The following SMC1B variants were observed in gnomAD, a reference collection of about 807,000 sequenced individuals.
SMC1B encodes the protein structural maintenance of chromosomes protein 1B.
SMC1B carries 60 observed loss-of-function variants against 157.9 expected under a neutral mutation model. The observed-to-expected ratio is 0.38, with a 90% CI of 0.31 to 0.47. The LOEUF (loss-of-function observed/expected upper bound fraction) is 0.47. Among genes scored for constraint, SMC1B ranks in the 20% least tolerant of loss-of-function variants. The pLI, the probability that SMC1B is intolerant of heterozygous loss-of-function variation, is 0.99. For missense variants in SMC1B, 1,165 were observed against 1,426.2 expected (o/e 0.82, Z 2.95); for synonymous variants, 445 against 483.0 (o/e 0.92, Z 1.03).
intron 19 of SMC1B, 106 bp from the exon 20 acceptor site, chr22:45,355,221 C>T (rs2086658234): frequency 2.8e-6 from 3 of 1,067,504 alleles, no homozygotes; most frequent in Non-Finnish European, 4.2e-6. Context: ...CCTGTGCATC[C>T]ACTCCTTCTC....
chr22:45,369,158 A>G lies in SMC1B; in HGVS notation c.2420+796T>C, dbSNP rs112429081. ...TGTCGCCCAGGCTAAGTGCAGTGGC[A>G]CGATCTCGGCTCACTGCAAGCTCCA... On this transcript the variant is annotated intron_variant, in intron 15 of 24. Transcript: ENST00000357450. 3.0e-4 allele frequency among the ~76,000 whole-genome samples: 46 copies of G among 151,832 alleles called. 1 individual carries two copies. Among genetic ancestry groups the G allele is most frequent in the African/African-American group, 1.1e-3 (44 of 41,388 alleles).
chr22:45,348,718 G>GTTTTTTTTTTTTTTTTTTT (rs59086824), intron 23 of SMC1B, among the ~76,000 whole-genome samples: 1 of 148,128 alleles, frequency 6.8e-6, no homozygotes, highest in Admixed American at 6.7e-5. Context: ...CAAAAGGACT[G>GTTTTTTTTTTTTTTTTTTT]TTTTTTTTGT....
rs766176014 is a variant in SMC1B, at chr22:45,362,974, G to A, written c.2473C>T (p.Arg825Cys). 10 of 1,597,996 alleles carry A rather than the reference G, an allele frequency of 6.3e-6. No homozygotes were observed. The highest frequency in any genetic ancestry group is 1.8e-5 in the Admixed American group (1 of 56,688). The change falls in exon 16 of 25, where the codon CGC becomes TGC. Residue 825 changes from arginine to cysteine, a missense_variant. Arg to Cys is a radical substitution (Grantham distance 180, BLOSUM62 -3). Transcript: ENST00000357450. ...TRLNVQLEYS[R>C]SHLKKKLNKI... is the part of the protein sequence containing the mutation. ...TTCAGTTTCTTCTTAAGGTGACTGC[G>A]ACTATACTCAAGTTGAACATTAAGC... is the stretch of plus-strand genomic sequence containing the variant.
chr22:45,364,761 C>G (rs1438879636), intron 15 of SMC1B, among the ~76,000 whole-genome samples: 2 of 151,690 alleles, frequency 1.3e-5, no homozygotes, highest in African/African-American at 4.9e-5. Context: ...CCCCAACTAG[C>G]TGCTCTTTTA....
chr22:45,396,542 T>A, intron 6 of SMC1B, 56 bp from the exon 7 acceptor site: 1 of 1,496,284 alleles, frequency 6.7e-7, no homozygotes, highest in Admixed American at 2.0e-5. Flanking sequence ...TGAGAGCAAA[T>A]TTCTTTGTAT....
chr22:45,366,713 C>T (rs936430471), intron 15 of SMC1B, among the ~76,000 whole-genome samples: 14 of 152,170 alleles, frequency 9.2e-5, no homozygotes, highest in African/African-American at 2.7e-4. Flanking sequence ...GCCTGGCCAA[C>T]GTGGCAAAAC....
At chr22:45,350,772 C>T (rs2146757872) in intron 22 of SMC1B, among the ~76,000 whole-genome samples, 1 of 152,280 alleles carries the variant, frequency 6.6e-6, no homozygotes, top group East Asian at 1.9e-4. Context: ...CCCACAGAGC[C>T]ATCCCCTTCA....
intron 12 of SMC1B, among the ~76,000 whole-genome samples, chr22:45,373,359 T>C (rs148970261): frequency 6.6e-6 from 1 of 152,354 alleles, no homozygotes; most frequent in East Asian, 1.9e-4. Flanking sequence ...TTTCTCCAGA[T>C]GTGCCAATAC....
At chr22:45,372,368 A>G (rs1377451598) in intron 12 of SMC1B, 76 bp from the exon 13 acceptor site, 2 of 1,288,040 alleles carry the variant, frequency 1.6e-6, no homozygotes, top group Admixed American at 5.2e-5. Context: ...TTCATATGTA[A>G]TAATTCACTG....
intron 19 of SMC1B, among the ~76,000 whole-genome samples, chr22:45,356,023 T>C (rs2146768061): frequency 6.6e-6 from 1 of 152,260 alleles, no homozygotes; most frequent in Middle Eastern, 3.4e-3. Flanking sequence ...TGAGCCGAGA[T>C]TGCACCACTG....
chr22:45,344,540 T>A lies in SMC1B; in HGVS notation c.*16A>T. On this transcript the variant is annotated 3_prime_UTR_variant, in exon 25 of 25. Transcript: ENST00000357450. ...GGGAACTGAACAGTGATCAGGTGAC[T>A]GCTGCAGGACTGCCCCTAGCGGGAC... 1 of 1,579,068 alleles carries A rather than the reference T, an allele frequency of 6.3e-7. No individual in the cohort carries two copies. The highest frequency in any genetic ancestry group is 8.7e-7 in the Non-Finnish European group (1 of 1,148,264).
chr22:45,356,990 C>A (rs1569176315), intron 19 of SMC1B, among the ~76,000 whole-genome samples: 1 of 152,124 alleles, frequency 6.6e-6, no homozygotes, highest in Non-Finnish European at 1.5e-5. Flanking sequence ...ATGTCAACCT[C>A]CCAAAGTGCT....
intron 23 of SMC1B, among the ~76,000 whole-genome samples, chr22:45,346,154 G>A (rs1267263922): frequency 2.0e-5 from 3 of 152,152 alleles, no homozygotes; most frequent in Admixed American, 6.5e-5. Flanking sequence ...GCAGTGAGCC[G>A]AGATTGTGCC....
At chr22:45,376,726 T>TC (rs398121871) in intron 12 of SMC1B, among the ~76,000 whole-genome samples, 24 of 151,936 alleles carry the variant, frequency 1.6e-4, no homozygotes, top group Admixed American at 1.4e-3. Flanking sequence ...GTTTTTTTTT[T>TC]CCTCACACAA....
intron 9 of SMC1B, among the ~76,000 whole-genome samples, chr22:45,390,897 G>A (rs1464078389): frequency 2.0e-5 from 3 of 152,098 alleles, no homozygotes; most frequent in African/African-American, 4.8e-5. Context: ...TCTTTCCTCC[G>A]TTTGTTAGGT....
At chr22:45,400,731 G>T (rs1330297569) in intron 5 of SMC1B, among the ~76,000 whole-genome samples, 1 of 152,106 alleles carries the variant, frequency 6.6e-6, no homozygotes, top group Non-Finnish European at 1.5e-5. Context: ...TCAGTCAGGT[G>T]ATCAAGGTCA....
At chr22:45,408,569 G>A in intron 2 of SMC1B, 141 bp downstream of exon 2, 1 of 546,672 alleles carries the variant, frequency 1.8e-6, no homozygotes, top group Non-Finnish European at 3.2e-6. Context: ...ACTTGCTTCT[G>A]AGATATGCTA....
chr22:45,345,624 C>T (rs2146747497), intron 23 of SMC1B, 55 bp from the exon 24 acceptor site: 1 of 1,068,452 alleles, frequency 9.4e-7, no homozygotes, highest in East Asian at 2.4e-5. Flanking sequence ...TGTCTGGGCT[C>T]TGGAGACAGT....
chr22:45,378,063 ATTCCTCTATT>A (rs2146806427), intron 12 of SMC1B, among the ~76,000 whole-genome samples: 1 of 151,944 alleles, frequency 6.6e-6, no homozygotes, highest in African/African-American at 2.4e-5. Context: ...CCAGTCTGTG[ATTCCTCTATT>A]TTTTTTAGAG....
Sources: allele counts gnomAD v4.1 joint callset (sites outside exome capture counted in the v4.1 genomes callset), GRCh38; gene constraint gnomAD v4.1.1; transcripts MANE v1.5; gene names NCBI Gene and HGNC (gene_info 2026-07-23, HGNC 2026-07-21).